FMNL2: variants seen among roughly 807,000 people sequenced by gnomAD.
The protein encoded by FMNL2 is formin-like protein 2.
A neutral mutation model predicts 130.2 loss-of-function variants in FMNL2; 51 were observed. That is an observed-to-expected ratio of 0.39 (90% CI 0.31 to 0.49). FMNL2 has a LOEUF of 0.49. Ranked by LOEUF, FMNL2 falls within the 20% of genes least tolerant of loss-of-function variation. FMNL2 has a pLI of 0.85. For synonymous variants in FMNL2, 465 were observed against 467.1 expected (o/e 1.00, Z 0.06); for missense variants, 977 against 1,316.2 (o/e 0.74, Z 3.99).
rs76310891 is a variant in FMNL2, at chr2:152,586,855, A to G, written c.876+5806A>G. ...TTTGCTGTGGATACGAAAGTACCCC[A>G]CACTTCATTTTTTTAGGCTCCTGGC... On this transcript the variant is annotated intron_variant, in intron 9 of 25. Transcript: ENST00000288670. 0.018 allele frequency among the ~76,000 whole-genome samples: 2,705 copies of G among 152,222 alleles called. 131 individuals carry two copies. The East Asian group carries it at 0.19, about 11-fold the overall frequency.
At chr2:152,336,084 T>A (rs1681408804) in intron 1 of FMNL2, among the ~76,000 whole-genome samples, 1 of 105,960 alleles carries the variant, frequency 9.4e-6, no homozygotes. Context: ...TTAGGCTTTT[T>A]TTTTAAAAAA....
intron 1 of FMNL2, among the ~76,000 whole-genome samples, chr2:152,366,708 G>C (rs534493075): frequency 6.6e-6 from 1 of 152,324 alleles, no homozygotes; most frequent in Admixed American, 6.5e-5. Flanking sequence ...GCTCACGTCT[G>C]AAATCCCCGT....
chr2:152,608,538 TTA>T (rs900262731), intron 10 of FMNL2, among the ~76,000 whole-genome samples: 1 of 148,590 alleles, frequency 6.7e-6, no homozygotes, highest in Non-Finnish European at 1.5e-5. Context: ...TATATATACT[TTA>T]TATATATACA....
chr2:152,343,048 G>A (rs1161104840), intron 1 of FMNL2, among the ~76,000 whole-genome samples: 2 of 152,156 alleles, frequency 1.3e-5, no homozygotes, highest in African/African-American at 2.4e-5. Flanking sequence ...GTGATTCCAT[G>A]ATCTTCAGTG....
At chr2:152,378,491 A>G (rs1684291981) in intron 1 of FMNL2, among the ~76,000 whole-genome samples, 1 of 152,198 alleles carries the variant, frequency 6.6e-6, no homozygotes, top group Non-Finnish European at 1.5e-5. Context: ...CATATTTGTA[A>G]TAGGTACTTG....
At chr2:152,424,308 A>G (rs1687067038) in intron 1 of FMNL2, among the ~76,000 whole-genome samples, 1 of 152,048 alleles carries the variant, frequency 6.6e-6, no homozygotes, top group South Asian at 2.1e-4. Flanking sequence ...GGTGGGAGGA[A>G]AATTTGACTC....
intron 1 of FMNL2, among the ~76,000 whole-genome samples, chr2:152,502,797 C>T (rs1378956348): frequency 6.6e-6 from 1 of 152,002 alleles, no homozygotes; most frequent in Non-Finnish European, 1.5e-5. Context: ...AGTTTAGTAG[C>T]AGGAAAGGGA....
At chr2:152,382,962 A>G (rs531742878) in intron 1 of FMNL2, among the ~76,000 whole-genome samples, 3 of 152,244 alleles carry the variant, frequency 2.0e-5, no homozygotes, top group Admixed American at 2.0e-4. Flanking sequence ...ACATAGGGCA[A>G]TGCATTACCC....
Position 152,432,965 on chromosome 2 carries a change from G to T in FMNL2, c.118-88978G>T, listed in dbSNP as rs551448347. Among the ~76,000 whole-genome samples, 3 of 152,328 alleles carry T rather than the reference G, an allele frequency of 2.0e-5. No individual in the cohort carries two copies. In the South Asian group the frequency reaches 6.2e-4, roughly 32 times the overall value. ...ATGGCAGGCATTGACATGGACTTTG[G>T]AGTCAGGCAGACCCGGGCTTGAGTT... On this transcript the variant is annotated intron_variant, in intron 1 of 25. Coordinates refer to ENST00000288670, the MANE Select transcript of FMNL2 (RefSeq NM_052905.4).
At chr2:152,341,482 C>T (rs529549147) in intron 1 of FMNL2, among the ~76,000 whole-genome samples, 2 of 152,116 alleles carry the variant, frequency 1.3e-5, no homozygotes, top group African/African-American at 4.8e-5. Context: ...ATAAGAAGTA[C>T]TTTGGCTTGT....
chr2:152,591,907 T>C (rs943586692), intron 9 of FMNL2, among the ~76,000 whole-genome samples: 29 of 152,152 alleles, frequency 1.9e-4, no homozygotes, highest in Non-Finnish European at 2.9e-4. Context: ...TTAGAGACCA[T>C]CTTGGCCAAC....
At chr2:152,338,152 A>G (rs1005974504) in intron 1 of FMNL2, among the ~76,000 whole-genome samples, 25 of 152,172 alleles carry the variant, frequency 1.6e-4, no homozygotes, top group African/African-American at 6.0e-4. Context: ...TAAGTGGCAG[A>G]TTTTTAAGTA....
Position 152,648,460 on chromosome 2 carries a change from G to C in FMNL2, c.*555G>C, listed in dbSNP as rs148252753. On this transcript the variant is annotated 3_prime_UTR_variant, in exon 26 of 26. Coordinates refer to ENST00000288670, the MANE Select transcript of FMNL2 (RefSeq NM_052905.4). ...TGGCACAAAGGTCACTCAATCCTTT[G>C]TTTCCAGTTTCACATTCTACTACTT... 1 of 153,834 alleles carries C rather than the reference G, an allele frequency of 6.5e-6. No individual in the cohort carries two copies. The highest frequency in any genetic ancestry group is 2.4e-5 in the African/African-American group (1 of 41,564). 9.5% of individuals were successfully genotyped at this position (153,834 alleles called of 1,614,324 possible).
At chr2:152,645,192 A>ATATC (rs776602327) in intron 25 of FMNL2, among the ~76,000 whole-genome samples, 11 of 152,268 alleles carry the variant, frequency 7.2e-5, no homozygotes, top group Admixed American at 4.6e-4. Context: ...CTGTTGGACT[A>ATATC]TATCTATCTT....
intron 1 of FMNL2, among the ~76,000 whole-genome samples, chr2:152,481,654 CTTTA>C (rs1369018382): frequency 1.3e-5 from 2 of 152,176 alleles, no homozygotes; most frequent in African/African-American, 4.8e-5. Context: ...TTTTTGTAAA[CTTTA>C]TTATTGAAAC....
chr2:152,573,177 G>A (rs1335001961), intron 6 of FMNL2, among the ~76,000 whole-genome samples: 2 of 152,174 alleles, frequency 1.3e-5, no homozygotes, highest in Non-Finnish European at 2.9e-5. Flanking sequence ...GCTTACCAAG[G>A]TATTGGCCAC....
At chr2:152,439,418 C>T (rs964766222) in intron 1 of FMNL2, among the ~76,000 whole-genome samples, 29 of 152,154 alleles carry the variant, frequency 1.9e-4, no homozygotes, top group African/African-American at 6.3e-4. Context: ...GTTTTTTAAT[C>T]AAGCCAGGTT....
At chr2:152,600,468 A>G (rs1182942970) in intron 9 of FMNL2, among the ~76,000 whole-genome samples, 1 of 152,140 alleles carries the variant, frequency 6.6e-6, no homozygotes, top group Non-Finnish European at 1.5e-5. Context: ...ACTGTTACTC[A>G]CCTTGAAGAG....
At chr2:152,557,797 C>T (rs1334105164) in intron 4 of FMNL2, among the ~76,000 whole-genome samples, 1 of 152,192 alleles carries the variant, frequency 6.6e-6, no homozygotes, top group African/African-American at 2.4e-5. Flanking sequence ...TGGAGGAAAG[C>T]AACCATTGTG....
Sources: allele counts gnomAD v4.1 joint callset (sites outside exome capture counted in the v4.1 genomes callset), GRCh38; gene constraint gnomAD v4.1.1; transcripts MANE v1.5; gene names NCBI Gene and HGNC (gene_info 2026-07-23, HGNC 2026-07-21).